MYO5B: variants seen among roughly 807,000 people sequenced by gnomAD.
MYO5B encodes the protein myosin VB, also known as unconventional myosin-Vb.
Under a neutral mutation model 229.3 loss-of-function variants are expected in MYO5B, and 143 were observed. The ratio of observed to expected loss-of-function variants is 0.62; its 90% CI spans 0.54 to 0.72. The LOEUF (loss-of-function observed/expected upper bound fraction) is 0.72. MYO5B is among the 30% of genes least tolerant of loss of function. The probability of loss-of-function intolerance (pLI) is 0.00; values close to 1 mark genes in which losing one functional copy is unlikely to be tolerated. For synonymous variants in MYO5B, 918 were observed against 885.2 expected, an observed-to-expected ratio of 1.04 and a Z score of -0.66; for missense variants, 2,321 against 2,331.0, an observed-to-expected ratio of 1.00 and a Z score of 0.09.
chr18:49,849,875 C>G (rs1639889663), intron 31 of MYO5B: 2 of 584,426 alleles, frequency 3.4e-6, no homozygotes, highest in African/African-American at 1.9e-5. Flanking sequence ...AGAGTCCATT[C>G]TCTCAAGGCA....
chr18:49,963,234 A>G (rs1020800908), intron 10 of MYO5B, among the ~76,000 whole-genome samples: 1 of 152,138 alleles, frequency 6.6e-6, no homozygotes, highest in Non-Finnish European at 1.5e-5. Context: ...TCAAAACTAG[A>G]AAAAGTAATG....
chr18:49,830,248 A>C (rs2023899321), intron 39 of MYO5B, among the ~76,000 whole-genome samples: 1 of 152,168 alleles, frequency 6.6e-6, no homozygotes, highest in African/African-American at 2.4e-5. Context: ...ATTTCTATTC[A>C]CTAGTAATGA....
At chr18:50,020,028 C>T (rs968329813) in intron 4 of MYO5B, among the ~76,000 whole-genome samples, 8 of 152,172 alleles carry the variant, frequency 5.3e-5, no homozygotes, top group Non-Finnish European at 7.3e-5. Flanking sequence ...CACTCCAGCT[C>T]ACCAAGCTCA....
At position 49,995,020 on chromosome 18, in the gene MYO5B, C is replaced by T. The variant is rs146205371; in HGVS notation, c.613-2589G>A. On this transcript the variant is annotated intron_variant, in intron 5 of 39. Coordinates refer to ENST00000285039, the MANE Select transcript of MYO5B (RefSeq NM_001080467.3). The stretch of plus-strand genomic sequence containing the variant: ...ACTTAGGCTTAGAAAGGTCAAGTCA[C>T]GTGCTTGAGGTCACATGCTAGGAAG... Among the ~76,000 whole-genome samples, 268 of 152,252 alleles carry T rather than the reference C, an allele frequency of 1.8e-3. 1 individual carries two copies. Among genetic ancestry groups the T allele is most frequent in the African/African-American group, 6.1e-3 (252 of 41,536 alleles).
At chr18:49,838,973 G>C (rs1027797219) in intron 36 of MYO5B, among the ~76,000 whole-genome samples, 171 bp downstream of exon 36, 1 of 152,194 alleles carries the variant, frequency 6.6e-6, no homozygotes, top group African/African-American at 2.4e-5. Flanking sequence ...TACTTTCACA[G>C]CTTTTTAAGC....
intron 35 of MYO5B, 46 bp downstream of exon 35, chr18:49,841,319 T>A: frequency 6.4e-7 from 1 of 1,572,164 alleles, no homozygotes; most frequent in South Asian, 1.1e-5. Flanking sequence ...TCAACCACAT[T>A]TGGATGAAGC....
At chr18:50,023,533 G>T (rs1486611800) in intron 4 of MYO5B, among the ~76,000 whole-genome samples, 2 of 152,190 alleles carry the variant, frequency 1.3e-5, no homozygotes, top group African/African-American at 4.8e-5. Flanking sequence ...GGCCAGTTGA[G>T]TTAGAATCCT....
chr18:50,183,339 C>CA, intron 1 of MYO5B, among the ~76,000 whole-genome samples: 1 of 110,224 alleles, frequency 9.1e-6, no homozygotes, highest in Middle Eastern at 5.2e-3. Flanking sequence ...ATATATATAT[C>CA]TCCTTCAATA....
chr18:50,043,328 A>G (rs1271954222), intron 2 of MYO5B, among the ~76,000 whole-genome samples: 4 of 94,620 alleles, frequency 4.2e-5, no homozygotes, highest in Non-Finnish European at 8.1e-5. Flanking sequence ...TAAAATATAT[A>G]TTTTATATAT....
At chr18:49,998,768 G>C (rs912484374) in intron 5 of MYO5B, among the ~76,000 whole-genome samples, 2 of 152,182 alleles carry the variant, frequency 1.3e-5, no homozygotes, top group South Asian at 4.1e-4. Flanking sequence ...AGACACAAAA[G>C]GACTAGTATA....
chr18:50,053,755 G>A (rs190951452), intron 2 of MYO5B, among the ~76,000 whole-genome samples: 1 of 152,290 alleles, frequency 6.6e-6, no homozygotes, highest in Non-Finnish European at 1.5e-5. Flanking sequence ...GTTAGTGGTA[G>A]GATGTTCAAT....
chr18:50,051,884 G>T (rs2030403364), intron 2 of MYO5B, among the ~76,000 whole-genome samples: 1 of 152,170 alleles, frequency 6.6e-6, no homozygotes, highest in African/African-American at 2.4e-5. Context: ...GAAGAGATTG[G>T]GAAGTTGGTG....
chr18:49,980,084 C>A (rs886848843), intron 9 of MYO5B, among the ~76,000 whole-genome samples: 3 of 152,234 alleles, frequency 2.0e-5, no homozygotes, highest in Admixed American at 2.0e-4. Context: ...TCACCAGGTA[C>A]AGTGCCCTGT....
chr18:50,130,565 A>T (rs1474067474), intron 1 of MYO5B, among the ~76,000 whole-genome samples: 3 of 152,314 alleles, frequency 2.0e-5, no homozygotes, highest in East Asian at 3.9e-4. Context: ...GAGAACGAGC[A>T]ATATCCACCC....
intron 21 of MYO5B, among the ~76,000 whole-genome samples, chr18:49,900,133 T>TCATC (rs768901858): frequency 6.6e-6 from 1 of 152,238 alleles, no homozygotes; most frequent in Non-Finnish European, 1.5e-5. Flanking sequence ...CAATGCCTAC[T>TCATC]CATCCCTGAG....
intron 22 of MYO5B, among the ~76,000 whole-genome samples, chr18:49,883,699 G>C (rs1419013462): frequency 6.6e-6 from 1 of 152,110 alleles, no homozygotes; most frequent in African/African-American, 2.4e-5. Flanking sequence ...AACAAAGCTG[G>C]AATAATCACA....
chr18:50,125,440 C>T (rs2032145294), intron 1 of MYO5B, among the ~76,000 whole-genome samples: 1 of 151,938 alleles, frequency 6.6e-6, no homozygotes, highest in Non-Finnish European at 1.5e-5. Context: ...TTAATGGGTG[C>T]AGCACACCAA....
chr18:49,843,208 C>G (rs1277475983), intron 34 of MYO5B, 33 bp downstream of exon 34: 2 of 1,612,538 alleles, frequency 1.2e-6, no homozygotes, highest in South Asian at 2.2e-5. Flanking sequence ...CTCTACCCAC[C>G]ACAAACCATG....
At chr18:50,026,148 A>G (rs569175146) in intron 4 of MYO5B, among the ~76,000 whole-genome samples, 21 of 152,344 alleles carry the variant, frequency 1.4e-4, no homozygotes, top group African/African-American at 5.0e-4. Flanking sequence ...AGAAGGGACT[A>G]TCACTTCCAG....
Sources: allele counts gnomAD v4.1 joint callset (sites outside exome capture counted in the v4.1 genomes callset), GRCh38; gene constraint gnomAD v4.1.1; transcripts MANE v1.5; gene names NCBI Gene and HGNC (gene_info 2026-07-23, HGNC 2026-07-21).